The following GRK5 variants were observed in gnomAD, a reference collection of about 807,000 sequenced individuals.
GRK5 encodes the protein g protein-coupled receptor kinase GRK5.
GRK5 carries 40 observed loss-of-function variants against 78.4 expected under a neutral mutation model. That is an observed-to-expected ratio of 0.51 (90% CI 0.40 to 0.66). The LOEUF is 0.66. Among genes scored for constraint, GRK5 ranks in the 30% least tolerant of loss-of-function variants. The probability of loss-of-function intolerance (pLI) is 0.00; values close to 1 mark genes in which losing one functional copy is unlikely to be tolerated. For missense variants in GRK5, 598 were observed against 759.9 expected (o/e 0.79, Z 2.50); for synonymous variants, 289 against 296.8 (o/e 0.97, Z 0.27).
intron 1 of GRK5, among the ~76,000 whole-genome samples, chr10:119,314,486 GC>G (rs957723367): frequency 6.6e-6 from 1 of 152,162 alleles, no homozygotes; most frequent in East Asian, 1.9e-4. Flanking sequence ...GAGGCTCTGT[GC>G]CCCCCAGACC....
At chr10:119,396,117 A>G (rs2133853532) in intron 3 of GRK5, among the ~76,000 whole-genome samples, 1 of 152,298 alleles carries the variant, frequency 6.6e-6, no homozygotes, top group South Asian at 2.1e-4. Flanking sequence ...ATTATTTATG[A>G]TGGGCCAGGC....
At position 119,275,611 on chromosome 10, in the gene GRK5, T is replaced by TCTCTCTCGCG. The variant is rs574879389; in HGVS notation, c.53-50904_53-50903insTCTCTCGCGC. On this transcript the variant is annotated intron_variant, in intron 1 of 15. Coordinates refer to ENST00000392870, the MANE Select transcript of GRK5 (RefSeq NM_005308.3). ...CGCTCTCTCTCTCTCTCTCTCTCTC[T>TCTCTCTCGCG]CGCACACACACACACACACACACAC... 5.6e-5 allele frequency among the ~76,000 whole-genome samples: 7 copies of TCTCTCTCGCG among 123,968 alleles called. 1 individual carries two copies. In the South Asian group the frequency reaches 7.8e-4, roughly 14 times the overall value. 81.3% of individuals were successfully genotyped at this position (123,968 alleles called of 152,430 possible). A position where few individuals can be genotyped will look rare whatever the true frequency, so the allele number is the denominator to read the frequency against.
At chr10:119,233,892 T>C (rs981623225) in intron 1 of GRK5, among the ~76,000 whole-genome samples, 1 of 152,144 alleles carries the variant, frequency 6.6e-6, no homozygotes, top group Non-Finnish European at 1.5e-5. Flanking sequence ...AAAGAAAGAT[T>C]AGGAAACAAA....
intron 1 of GRK5, among the ~76,000 whole-genome samples, chr10:119,243,263 G>T (rs183684311): frequency 2.0e-5 from 3 of 152,314 alleles, no homozygotes; most frequent in African/African-American, 7.2e-5. Flanking sequence ...CAGCAGGATT[G>T]TGGCACCCAG....
At chr10:119,394,936 C>T (rs1015067003) in intron 3 of GRK5, among the ~76,000 whole-genome samples, 2 of 149,712 alleles carry the variant, frequency 1.3e-5, no homozygotes, top group Non-Finnish European at 1.5e-5. Flanking sequence ...AAAGAGCCAC[C>T]TTAAAGCATC....
At chr10:119,394,274 G>GCA (rs1564916907) in intron 3 of GRK5, among the ~76,000 whole-genome samples, 84 of 28,322 alleles carry the variant, frequency 3.0e-3, no homozygotes, top group South Asian at 4.9e-3. Flanking sequence ...GTGTGTGTGG[G>GCA]CGTGTGTGTG....
At chr10:119,308,776 C>G (rs1850313691) in intron 1 of GRK5, among the ~76,000 whole-genome samples, 1 of 152,250 alleles carries the variant, frequency 6.6e-6, no homozygotes, top group African/African-American at 2.4e-5. Context: ...CCAGCTGCTT[C>G]CTGGTTCCAG....
At chr10:119,301,789 T>C (rs1850185673) in intron 1 of GRK5, among the ~76,000 whole-genome samples, 2 of 152,212 alleles carry the variant, frequency 1.3e-5, no homozygotes, top group African/African-American at 4.8e-5. Context: ...CAAACACTTA[T>C]CGTGGGTAGC....
intron 2 of GRK5, chr10:119,330,476 A>G (rs1850756009): frequency 6.7e-6 from 1 of 150,322 alleles, no homozygotes; most frequent in African/African-American, 2.5e-5. Context: ...TGACCAAATC[A>G]CCTCCCAAAG....
At chr10:119,242,755 T>C (rs1849046827) in intron 1 of GRK5, among the ~76,000 whole-genome samples, 1 of 152,032 alleles carries the variant, frequency 6.6e-6, no homozygotes, top group Non-Finnish European at 1.5e-5. Context: ...TGAGGGGCTC[T>C]TTCCCCTTGG....
chr10:119,278,719 T>G (rs1589718290), intron 1 of GRK5, among the ~76,000 whole-genome samples: 1 of 152,166 alleles, frequency 6.6e-6, no homozygotes, highest in East Asian at 1.9e-4. Flanking sequence ...AGACGTTATT[T>G]TCTCCCAGTC....
chr10:119,366,490 G>A lies in GRK5; in HGVS notation c.149-14325G>A, dbSNP rs183865396. Among the ~76,000 whole-genome samples the A allele has an allele frequency of 4.9e-4, 74 of 152,300 alleles. 1 individual carries two copies. The East Asian group carries it at 0.012, about 24-fold the overall frequency. On this transcript the variant is annotated intron_variant, in intron 2 of 15. Coordinates refer to ENST00000392870, the MANE Select transcript of GRK5 (RefSeq NM_005308.3). ...TGTGGTGCAGCTCACAGAACTGAAGGAACTCAGGGCAGGAGGGGGGCAGCT... is the reference window on the plus strand; with the variant it reads ...TGTGGTGCAGCTCACAGAACTGAAGAAACTCAGGGCAGGAGGGGGGCAGCT...
In GRK5 at chr10:119,281,629, C is replaced by T. The variant is rs115372429; in HGVS notation, c.53-44887C>T. 5.5e-3 allele frequency among the ~76,000 whole-genome samples: 834 copies of T among 152,340 alleles called. 7 individuals carry two copies. The highest frequency in any genetic ancestry group is 0.018 in the African/African-American group (769 of 41,576). On this transcript the variant is annotated intron_variant, in intron 1 of 15. Coordinates refer to ENST00000392870, the MANE Select transcript of GRK5 (RefSeq NM_005308.3). ...ATCTGGCCGACCTCGGGTCTTAGCA[C>T]GGCTGAGCCTTTGAAGCTGGCAGGT...
intron 3 of GRK5, among the ~76,000 whole-genome samples, chr10:119,382,276 G>A (rs1851724566): frequency 8.4e-6 from 1 of 119,086 alleles, no homozygotes; most frequent in South Asian, 2.5e-4. Flanking sequence ...GGCGCCTCTT[G>A]TGTGAGTGAT....
intron 4 of GRK5, among the ~76,000 whole-genome samples, chr10:119,415,479 G>A (rs1160208475): frequency 9.2e-5 from 14 of 152,166 alleles, no homozygotes. Flanking sequence ...ATGCTGTGTG[G>A]TGCAGAAAAA....
intron 1 of GRK5, among the ~76,000 whole-genome samples, chr10:119,266,420 G>A (rs889593117): frequency 4.6e-5 from 7 of 151,904 alleles, no homozygotes; most frequent in Non-Finnish European, 8.8e-5. Context: ...CCGAGATGGC[G>A]CCGCTGCACT....
intron 3 of GRK5, among the ~76,000 whole-genome samples, chr10:119,382,430 A>T (rs931254803): frequency 4.6e-5 from 7 of 152,128 alleles, no homozygotes; most frequent in Non-Finnish European, 1.0e-4. Flanking sequence ...TATTATGGAA[A>T]ATTTCAAGCT....
chr10:119,412,628 T>G lies in GRK5; in HGVS notation c.340-10538T>G, dbSNP rs1852369378. On this transcript the variant is annotated intron_variant, in intron 4 of 15. Coordinates refer to ENST00000392870, the MANE Select transcript of GRK5 (RefSeq NM_005308.3). The surrounding 1 kb of genome is among the most constrained non-coding windows in gnomAD (Gnocchi z 4.3). ...ACCACTCCAGACGGACGTGAGGGTG[T>G]GTGGCAGTGGCTTTTCCACATGGCC... Among the ~76,000 whole-genome samples the G allele has an allele frequency of 6.6e-6, 1 of 152,184 alleles. No individual in the cohort carries two copies. Among genetic ancestry groups the G allele is most frequent in the South Asian group, 2.1e-4 (1 of 4,832 alleles).
At chr10:119,261,584 G>A (rs1162238181) in intron 1 of GRK5, among the ~76,000 whole-genome samples, 1 of 152,120 alleles carries the variant, frequency 6.6e-6, no homozygotes, top group East Asian at 1.9e-4. Flanking sequence ...CCGAGATCAC[G>A]CCACTGCACT....
Sources: gnomAD v4.1 joint callset for allele counts (sites outside exome capture counted in the v4.1 genomes callset) on GRCh38, gnomAD v4.1.1 for gene constraint, Gnocchi (gnomAD v3.1) non-coding constraint, MANE v1.5 for transcripts, NCBI Gene and HGNC (gene_info 2026-07-23, HGNC 2026-07-21) for gene names.